The following UBE2D3 variants were observed in gnomAD, a reference collection of about 807,000 sequenced individuals.
UBE2D3 encodes the protein ubiquitin-conjugating enzyme E2 D3.
In UBE2D3, 2 loss-of-function variants were observed where a neutral mutation model predicts 22.8. The observed-to-expected ratio is 0.09, with a 90% CI of 0.04 to 0.28. UBE2D3 has a LOEUF of 0.28. UBE2D3 is among the 10% of genes least tolerant of loss of function. The pLI is 1.00. For missense variants in UBE2D3, 27 were observed against 182.5 expected (o/e 0.15, Z 4.91); for synonymous variants, 56 against 60.4 (o/e 0.93, Z 0.34).
At chr4:102,856,259 G>A (rs941684871) in intron 1 of UBE2D3, among the ~76,000 whole-genome samples, 2 of 152,156 alleles carry the variant, frequency 1.3e-5, no homozygotes, top group African/African-American at 2.4e-5. Context: ...CCAGCTACTC[G>A]GAAGGCTGAG....
At chr4:102,854,198 G>A (rs1403850763) in intron 1 of UBE2D3, among the ~76,000 whole-genome samples, 2 of 151,958 alleles carry the variant, frequency 1.3e-5, no homozygotes, top group Non-Finnish European at 2.9e-5. Context: ...TTCTAAATTT[G>A]TTGTGTATCT....
At chr4:102,798,907 A>G (rs1355946519) in intron 7 of UBE2D3, 20 of 1,610,376 alleles carry the variant, frequency 1.2e-5, no homozygotes, top group East Asian at 2.2e-5. Flanking sequence ...TAAGCGCACC[A>G]TAGAGTGCAG....
Position 102,799,400 on chromosome 4 carries a change from T to A in UBE2D3, c.398+7A>T, listed in dbSNP as rs776786053. 6.2e-7 allele frequency: 1 copy of A among 1,608,242 alleles called. No homozygotes were observed. The highest frequency in any genetic ancestry group is 1.1e-5 in the South Asian group (1 of 90,740). On this transcript the variant is annotated splice_region_variant and intron_variant, in intron 7 of 7. Coordinates refer to ENST00000453744, the MANE Select transcript of UBE2D3 (RefSeq NM_181891.3). ...CCACTTTTATAATAACTTTTTAACA[T>A]ACTTACTTATCTCTGTCTGTTTTAT...
chr4:102,822,901 A>C (rs1449158977), intron 2 of UBE2D3, among the ~76,000 whole-genome samples: 5 of 148,294 alleles, frequency 3.4e-5, no homozygotes, highest in Non-Finnish European at 7.4e-5. Context: ...GCGCCACTGC[A>C]CTCCAGCCTG....
chr4:102,862,336 C>G (rs1018561461), intron 1 of UBE2D3, among the ~76,000 whole-genome samples: 1 of 151,996 alleles, frequency 6.6e-6, no homozygotes, highest in Admixed American at 6.5e-5. Flanking sequence ...AATAATAATT[C>G]TTTTTTTAAA....
chr4:102,856,714 A>G (rs904751903), intron 1 of UBE2D3, among the ~76,000 whole-genome samples: 16 of 152,202 alleles, frequency 1.1e-4, no homozygotes, highest in African/African-American at 3.9e-4. Flanking sequence ...TGTTCTATGT[A>G]TAATCAAATA....
chr4:102,866,219 T>C (rs1317577237), intron 1 of UBE2D3, among the ~76,000 whole-genome samples: 2 of 152,182 alleles, frequency 1.3e-5, no homozygotes, highest in Non-Finnish European at 2.9e-5. Context: ...ACCTAATATA[T>C]GATCCACACC....
chr4:102,855,461 CTG>C (rs1343143488), intron 1 of UBE2D3, among the ~76,000 whole-genome samples: 1 of 152,220 alleles, frequency 6.6e-6, no homozygotes, highest in Non-Finnish European at 1.5e-5. Context: ...GGGTCTCACT[CTG>C]TTGCCCAAGC....
intron 5 of UBE2D3, 56 bp from the exon 6 acceptor site, chr4:102,801,615 C>T: frequency 7.4e-7 from 1 of 1,356,688 alleles, no homozygotes; most frequent in Non-Finnish European, 1.0e-6. Flanking sequence ...TCTTTTAAAG[C>T]AAAACTTAAA....
chr4:102,827,758 T>C (rs937595185), upstream of UBE2D3: 9 of 985,504 alleles, frequency 9.1e-6, no homozygotes, highest in East Asian at 3.4e-4. Flanking sequence ...AGATCGGAGA[T>C]TGGACCAGGA....
At chr4:102,856,806 C>T (rs576409544) in intron 1 of UBE2D3, among the ~76,000 whole-genome samples, 3 of 152,220 alleles carry the variant, frequency 2.0e-5, no homozygotes, top group Non-Finnish European at 4.4e-5. Context: ...TATGGCCCTA[C>T]TCCAGAGATT....
chr4:102,803,349 A>T (rs1316824262), intron 4 of UBE2D3, among the ~76,000 whole-genome samples: 1 of 152,198 alleles, frequency 6.6e-6, no homozygotes, highest in Non-Finnish European at 1.5e-5. Flanking sequence ...GCAAAGAACC[A>T]ATCCGAAGAC....
chr4:102,811,450 G>A (rs1279679116), intron 2 of UBE2D3: 1 of 161,606 alleles, frequency 6.2e-6, no homozygotes, highest in South Asian at 1.5e-4. Flanking sequence ...GGGAGGCTGA[G>A]AAGGGTGGAT....
At chr4:102,857,185 C>A (rs1372097109) in intron 1 of UBE2D3, among the ~76,000 whole-genome samples, 1 of 152,122 alleles carries the variant, frequency 6.6e-6, no homozygotes, top group Non-Finnish European at 1.5e-5. Flanking sequence ...CTGCCCTGTT[C>A]TTCTGTAAAT....
At chr4:102,859,647 C>T (rs1309756675) in intron 1 of UBE2D3, among the ~76,000 whole-genome samples, 1 of 151,594 alleles carries the variant, frequency 6.6e-6, no homozygotes, top group East Asian at 1.9e-4. Context: ...GCTTGCTCTA[C>T]CACTTCTATA....
chr4:102,853,588 T>C (rs749628678), intron 1 of UBE2D3, among the ~76,000 whole-genome samples: 74 of 152,326 alleles, frequency 4.9e-4, no homozygotes, highest in Non-Finnish European at 9.9e-4. Flanking sequence ...TATATTGTTA[T>C]CTTTATTTTT....
chr4:102,827,760 G>C (rs1730821077), upstream of UBE2D3: 2 of 985,898 alleles, frequency 2.0e-6, no homozygotes, highest in South Asian at 4.7e-5. Flanking sequence ...ATCGGAGATT[G>C]GACCAGGAGG....
At chr4:102,866,095 A>G (rs969031168) in intron 1 of UBE2D3, among the ~76,000 whole-genome samples, 1 of 152,232 alleles carries the variant, frequency 6.6e-6, no homozygotes, top group Non-Finnish European at 1.5e-5. Context: ...AATTTTAAGT[A>G]AAGGGAATTT....
chr4:102,847,956 C>G (rs138731781), intron 1 of UBE2D3, among the ~76,000 whole-genome samples: 1 of 152,244 alleles, frequency 6.6e-6, no homozygotes, highest in African/African-American at 2.4e-5. Context: ...CCACGTATGC[C>G]TAGCGTTCCA....
Sources: gnomAD v4.1 joint callset for allele counts (sites outside exome capture counted in the v4.1 genomes callset) on GRCh38, gnomAD v4.1.1 for gene constraint, MANE v1.5 for transcripts, NCBI Gene and HGNC (gene_info 2026-07-23, HGNC 2026-07-21) for gene names.